Variants in EXD1 observed in about 807,000 individuals in gnomAD.
EXD1 encodes exonuclease 3'-5' domain containing 1, also known as piRNA biogenesis protein EXD1.
In EXD1, 63 loss-of-function variants were observed where a neutral mutation model predicts 49.1. The ratio of observed to expected loss-of-function variants is 1.28; its 90% CI spans 1.05 to 1.58. The LOEUF (loss-of-function observed/expected upper bound fraction) is 1.58, where lower values mean the gene tolerates loss of function less well. Ranked by LOEUF, EXD1 falls within the 40% of genes most tolerant of loss-of-function variation. The probability of loss-of-function intolerance (pLI) is 0.00; values close to 1 mark genes in which losing one functional copy is unlikely to be tolerated. For missense variants in EXD1, 748 were observed against 666.0 expected, an observed-to-expected ratio of 1.12 and a Z score of -1.36; for synonymous variants, 234 against 239.2, an observed-to-expected ratio of 0.98 and a Z score of 0.20.
intron 6 of EXD1, among the ~76,000 whole-genome samples, chr15:41,212,217 A>G (rs2046930916): frequency 6.6e-6 from 1 of 152,150 alleles, no homozygotes; most frequent in East Asian, 1.9e-4. Context: ...TGGGAGGCTG[A>G]GGCGGGCAGA....
At chr15:41,198,804 C>T (rs2046659021) in intron 7 of EXD1, among the ~76,000 whole-genome samples, 1 of 151,054 alleles carries the variant, frequency 6.6e-6, no homozygotes, top group Admixed American at 6.6e-5. Context: ...CTCCCGGGTT[C>T]AAGTGATTCT....
chr15:41,203,734 T>A (rs28490047), intron 7 of EXD1, among the ~76,000 whole-genome samples: 36,383 of 149,616 alleles, frequency 0.24, 4,547 homozygotes, highest in Non-Finnish European at 0.27. Flanking sequence ...CTGCCCAACA[T>A]GGTGAAACTC....
At position 41,230,685 on chromosome 15, in the gene EXD1, G is replaced by A. The variant is rs967087353; in HGVS notation, c.-260C>T. The A allele has an allele frequency of 7.8e-6, 7 of 893,610 alleles. No individual in the cohort carries two copies. The highest frequency in any genetic ancestry group is 1.2e-5 in the Non-Finnish European group (7 of 592,488). The allele number at this position is 893,610 out of a possible 1,614,324, so 55.4% of individuals were successfully genotyped here. On this transcript the variant is annotated 5_prime_UTR_variant, in exon 1 of 12. Transcript: ENST00000458580. ...TATCAAATCACAGGCTGAAAACCTG[G>A]AGAAAGGTCCGCGACGCCGGGGACA...
At chr15:41,200,942 C>T (rs1021411658) in intron 7 of EXD1, among the ~76,000 whole-genome samples, 14 of 150,142 alleles carry the variant, frequency 9.3e-5, no homozygotes, top group South Asian at 6.3e-4. Flanking sequence ...GGTGTGATCT[C>T]GGCTCACTGC....
chr15:41,197,777 C>T (rs1213531148), intron 7 of EXD1, among the ~76,000 whole-genome samples: 3 of 148,984 alleles, frequency 2.0e-5, no homozygotes, highest in Non-Finnish European at 4.5e-5. Context: ...GGACCCGCCA[C>T]CACACCTGGC....
rs928925751 is a variant in EXD1, at chr15:41,230,740, C to G, written c.-315G>C. 2 of 599,598 alleles carry G rather than the reference C, an allele frequency of 3.3e-6. No homozygotes were observed. The highest frequency in any genetic ancestry group is 4.1e-5 in the South Asian group (2 of 48,762). The allele number at this position is 599,598 out of a possible 1,614,324, so 37.1% of individuals were successfully genotyped here. ...CCGCAGAGGCGACGCCCGCCCGGCC[C>G]AACGTCCAGTCTCGTCTGTTTCCCG... On this transcript the variant is annotated 5_prime_UTR_variant, in exon 1 of 12. Transcript: ENST00000458580.
chr15:41,206,417 T>C (rs950308416), intron 7 of EXD1, among the ~76,000 whole-genome samples: 5 of 139,494 alleles, frequency 3.6e-5, no homozygotes, highest in African/African-American at 1.3e-4. Context: ...TGCAGTACAG[T>C]GAGCCAAGAG....
chr15:41,208,028 A>G (rs920618935), intron 7 of EXD1, among the ~76,000 whole-genome samples: 5 of 151,624 alleles, frequency 3.3e-5, no homozygotes, highest in African/African-American at 1.2e-4. Flanking sequence ...AAAAAAAAGA[A>G]AGAGAGAAAA....
At chr15:41,216,317 A>AAG (rs950521528) in intron 5 of EXD1, among the ~76,000 whole-genome samples, 1 of 151,442 alleles carries the variant, frequency 6.6e-6, no homozygotes, top group Non-Finnish European at 1.5e-5. Context: ...AAAAAAAAAA[A>AAG]AGAGAGAGAG....
intron 7 of EXD1, among the ~76,000 whole-genome samples, chr15:41,206,929 CTTTTTTTTTTTTT>C (rs532980257): frequency 1.8e-5 from 1 of 54,368 alleles, no homozygotes; most frequent in Admixed American, 2.9e-4. Context: ...CTATTCAACT[CTTTTTTTTTTTTT>C]TTTTTTTTTT....
chr15:41,194,218 A>C (rs1397321646), intron 9 of EXD1, among the ~76,000 whole-genome samples: 4 of 151,904 alleles, frequency 2.6e-5, no homozygotes, highest in Non-Finnish European at 5.9e-5. Flanking sequence ...TCACCATGTT[A>C]GCCAGGATGG....
chr15:41,209,669 G>A, intron 6 of EXD1, 82 bp from the exon 7 acceptor site: 1 of 1,197,746 alleles, frequency 8.3e-7, no homozygotes, highest in Non-Finnish European at 1.2e-6. Flanking sequence ...CAAATACAAT[G>A]GTCAGCAGTA....
At chr15:41,194,398 C>T (rs1270169483) in intron 9 of EXD1, among the ~76,000 whole-genome samples, 4 of 152,014 alleles carry the variant, frequency 2.6e-5, no homozygotes, top group African/African-American at 4.8e-5. Flanking sequence ...GCAGGGATTA[C>T]AGTGATGCAC....
chr15:41,211,923 C>T (rs2046927132), intron 6 of EXD1, among the ~76,000 whole-genome samples: 1 of 151,924 alleles, frequency 6.6e-6, no homozygotes, highest in Non-Finnish European at 1.5e-5. Context: ...AAGATCATGC[C>T]ACTGCACTCC....
intron 7 of EXD1, among the ~76,000 whole-genome samples, chr15:41,197,100 C>T (rs991871291): frequency 4.6e-5 from 7 of 152,164 alleles, no homozygotes; most frequent in South Asian, 2.1e-4. Flanking sequence ...GCTGGGATTA[C>T]AGGCGTGAGC....
At chr15:41,191,625 A>G (rs750703175) in intron 9 of EXD1, 40 bp from the exon 10 acceptor site, 3 of 1,582,668 alleles carry the variant, frequency 1.9e-6, no homozygotes, top group Non-Finnish European at 2.6e-6. Flanking sequence ...AGTTGAATAT[A>G]TACAGAGAGC....
chr15:41,186,524 T>C (rs1210244812), intron 11 of EXD1, among the ~76,000 whole-genome samples: 1 of 148,300 alleles, frequency 6.7e-6, no homozygotes, highest in East Asian at 2.0e-4. Context: ...TTTGAAATGA[T>C]GATGCACAAA....
At chr15:41,202,163 TATA>T (rs1163583736) in intron 7 of EXD1, among the ~76,000 whole-genome samples, 26 of 146,732 alleles carry the variant, frequency 1.8e-4, no homozygotes, top group African/African-American at 5.5e-4. Context: ...TATATATATA[TATA>T]TTTTTTTTAA....
intron 2 of EXD1, among the ~76,000 whole-genome samples, chr15:41,222,952 A>T (rs2047112117): frequency 8.6e-6 from 1 of 116,954 alleles, no homozygotes; most frequent in South Asian, 2.8e-4. Flanking sequence ...AAAAAAAAAA[A>T]AAAAAAATTT....
Sources: allele counts gnomAD v4.1 joint callset (sites outside exome capture counted in the v4.1 genomes callset), GRCh38; gene constraint gnomAD v4.1.1; transcripts MANE v1.5; gene names NCBI Gene and HGNC (gene_info 2026-07-23, HGNC 2026-07-21).